USP16: variants seen among roughly 807,000 people sequenced by gnomAD.
USP16 encodes the protein ubiquitin carboxyl-terminal hydrolase 16.
A neutral mutation model predicts 95.9 loss-of-function variants in USP16; 77 were observed. That is an observed-to-expected ratio of 0.80 (90% CI 0.67 to 0.97). The LOEUF is 0.97. Ranked by LOEUF, USP16 falls within the 50% of genes least tolerant of loss-of-function variation. USP16 has a pLI of 0.00. For missense variants in USP16, 943 were observed against 959.9 expected (o/e 0.98, Z 0.23); for synonymous variants, 303 against 318.2 (o/e 0.95, Z 0.51).
intron 1 of USP16, 40 bp from the exon 2 acceptor site, chr21:29,027,833 C>CT (rs747776533): frequency 3.2e-3 from 3,948 of 1,221,720 alleles, no homozygotes; most frequent in Non-Finnish European, 3.9e-3. Flanking sequence ...ATAAGACATA[C>CT]TTTTTTTTTT....
In USP16 at chr21:29,047,069, C is replaced by A. The variant is rs761734388; in HGVS notation, c.1759C>A (p.Pro587Thr). The change falls in exon 14 of 18, where the codon CCT becomes ACT. Residue 587 changes from proline (P) to threonine (T), a missense_variant. Coordinates refer to ENST00000399976, the MANE Select transcript of USP16 (RefSeq NM_006447.3). ...KNLNLNAALH[P>T]DEINIEILND... ...CCTAAATTTGAATGCTGCTCTTCAT[C>A]CTGATGAAATAAATATAGAGATTCT... The A allele has an allele frequency of 1.2e-6, 2 of 1,613,984 alleles. No individual in the cohort carries two copies. Among genetic ancestry groups the A allele is most frequent in the African/African-American group, 1.3e-5 (1 of 75,024 alleles).
At position 29,039,336 on chromosome 21, in the gene USP16, C is replaced by G. The variant is rs911452938; in HGVS notation, c.864-145C>G. Reference sequence around the variant, plus strand: ...AATATATTTTATGTGATAGTTAAATCTCCCAAGGGTGTTAATGGACTAAAC... The same window carrying G: ...AATATATTTTATGTGATAGTTAAATGTCCCAAGGGTGTTAATGGACTAAAC... On this transcript the variant is annotated intron_variant, in intron 8 of 17. Transcript: ENST00000399976. 6.5e-5 allele frequency: 71 copies of G among 1,095,314 alleles called. No individual in the cohort carries two copies. In the African/African-American group the frequency reaches 1.0e-3, roughly 16 times the overall value. 67.8% of individuals were successfully genotyped at this position (1,095,314 alleles called of 1,614,324 possible).
chr21:29,033,609 T>G (rs920149534), intron 3 of USP16, among the ~76,000 whole-genome samples: 5 of 152,238 alleles, frequency 3.3e-5, no homozygotes, highest in Non-Finnish European at 5.9e-5. Context: ...TAGGTAAAAG[T>G]CTCCCATTTA....
Position 29,034,889 on chromosome 21 carries a change from C to T in USP16, c.293C>T (p.Pro98Leu). Residue 98 changes from proline (P) to leucine (L), a missense_variant, in exon 4 of 18, where the codon CCA becomes CTA. Coordinates refer to ENST00000399976, the MANE Select transcript of USP16 (RefSeq NM_006447.3). ...CATGCCTTGAAGCACTATCTGACGC[C>T]AAGATCTGAACCTCACTGTCTGGTT... is the stretch of plus-strand genomic sequence containing the variant. ...EQHALKHYLT[P>L]RSEPHCLVLS... The T allele has an allele frequency of 1.9e-6, 3 of 1,614,080 alleles. No individual in the cohort carries two copies. Among genetic ancestry groups the T allele is most frequent in the South Asian group, 1.1e-5 (1 of 91,078 alleles).
intron 13 of USP16, among the ~76,000 whole-genome samples, chr21:29,046,419 A>C (rs891106381): frequency 1.3e-5 from 2 of 151,924 alleles, no homozygotes; most frequent in African/African-American, 4.8e-5. Context: ...CAGTGCTAGG[A>C]TTACAGGTGT....
Position 29,054,271 on chromosome 21 carries a change from C to A in USP16, c.*84C>A. 6.8e-7 allele frequency: 1 copy of A among 1,466,848 alleles called. No homozygotes were observed. Among genetic ancestry groups the A allele is most frequent in the South Asian group, 1.3e-5 (1 of 79,682 alleles). 90.9% of individuals were successfully genotyped at this position (1,466,848 alleles called of 1,614,324 possible). ...ACGATAAAAAAAGACTAATTAAAAT[C>A]ATGTTCACTTAACATTAAATACATG... On this transcript the variant is annotated 3_prime_UTR_variant, in exon 18 of 18. Transcript: ENST00000399976.
At position 29,030,743 on chromosome 21, in the gene USP16, A is replaced by C. The variant is rs2085065760; in HGVS notation, c.210A>C (p.Ser70=). The part of the protein sequence containing the change: ...KAEEETEEKP[S]VWLCLKCGHQ... Reference sequence around the variant, plus strand: ...AAGAAGAAACAGAAGAAAAGCCTTCAGTTTGGCTGTGTCTTAAATGTGGCC... The same window carrying C: ...AAGAAGAAACAGAAGAAAAGCCTTCCGTTTGGCTGTGTCTTAAATGTGGCC... The change falls in exon 3 of 18, where the codon TCA becomes TCC. Residue 70 remains serine, a synonymous_variant. Transcript: ENST00000399976. The C allele has an allele frequency of 6.2e-7, 1 of 1,611,818 alleles. No individual in the cohort carries two copies. Among genetic ancestry groups the C allele is most frequent in the Non-Finnish European group, 8.5e-7 (1 of 1,179,354 alleles).
At chr21:29,051,216 G>C (rs986693020) in intron 16 of USP16, among the ~76,000 whole-genome samples, 1 of 152,140 alleles carries the variant, frequency 6.6e-6, no homozygotes, top group Admixed American at 6.5e-5. Context: ...AGAAAAGCAG[G>C]TAGAGAAAGG....
intron 5 of USP16, among the ~76,000 whole-genome samples, 181 bp from the exon 6 acceptor site, chr21:29,037,095 G>C (rs1043752133): frequency 6.6e-6 from 1 of 152,020 alleles, no homozygotes; most frequent in Non-Finnish European, 1.5e-5. Context: ...TTTGTTTACT[G>C]GGTTTTGTGT....
intron 13 of USP16, 111 bp downstream of exon 13, chr21:29,043,710 T>C: frequency 1.0e-6 from 1 of 1,000,432 alleles, no homozygotes; most frequent in Non-Finnish European, 1.3e-6. Context: ...ATACAGCACT[T>C]TCATTTGACA....
intron 1 of USP16, among the ~76,000 whole-genome samples, chr21:29,026,962 A>G (rs748962067): frequency 1.8e-4 from 27 of 152,174 alleles, no homozygotes; most frequent in Non-Finnish European, 3.5e-4. Flanking sequence ...GGTCCAGGAA[A>G]CTGTTAAATG....
intron 16 of USP16, chr21:29,052,755 A>G (rs565026317): frequency 1.3e-5 from 2 of 152,362 alleles, no homozygotes; most frequent in African/African-American, 2.4e-5. Flanking sequence ...AAGACTAAAA[A>G]TAAGATTTAT....
chr21:29,039,388 T>C, intron 8 of USP16, 93 bp from the exon 9 acceptor site: 1 of 1,379,054 alleles, frequency 7.3e-7, no homozygotes. Context: ...CAGAACTCTC[T>C]GAGATTTGGG....
At chr21:29,042,334 T>C in intron 11 of USP16, 138 bp from the exon 12 acceptor site, 2 of 949,446 alleles carry the variant, frequency 2.1e-6, no homozygotes, top group Non-Finnish European at 3.1e-6. Context: ...GTTGTGTAAT[T>C]TTTCATTTCA....
chr21:29,024,937 G>C (rs532099046), intron 1 of USP16, 160 bp downstream of exon 1: 1 of 728,542 alleles, frequency 1.4e-6, no homozygotes, highest in South Asian at 1.9e-5. Context: ...TTGGCTGCAT[G>C]TTCTGTCAGT....
At chr21:29,052,732 A>C (rs1463081567) in intron 16 of USP16, 1 of 152,202 alleles carries the variant, frequency 6.6e-6, no homozygotes, top group African/African-American at 2.4e-5. Context: ...AATAAATAGA[A>C]GACTTGTGGA....
chr21:29,047,680 G>A (rs574941360), intron 14 of USP16, among the ~76,000 whole-genome samples: 26 of 151,996 alleles, frequency 1.7e-4, no homozygotes, highest in Admixed American at 7.9e-4. Flanking sequence ...AATATGACAT[G>A]CCCAGTGCAA....
At chr21:29,044,790 T>C (rs1482963255) in intron 13 of USP16, among the ~76,000 whole-genome samples, 3 of 152,212 alleles carry the variant, frequency 2.0e-5, no homozygotes, top group East Asian at 3.9e-4. Flanking sequence ...AACAGTTGCA[T>C]GATTCTGTGT....
At chr21:29,053,646 TGAG>T (rs2085449963) in intron 16 of USP16, 153 bp from the exon 17 acceptor site, 8 of 676,004 alleles carry the variant, frequency 1.2e-5, no homozygotes, top group Non-Finnish European at 1.9e-5. Context: ...TGTCTCAGGC[TGAG>T]AAGAGGTATG....
Sources: allele counts gnomAD v4.1 joint callset (sites outside exome capture counted in the v4.1 genomes callset), GRCh38; gene constraint gnomAD v4.1.1; transcripts MANE v1.5; gene names NCBI Gene and HGNC (gene_info 2026-07-23, HGNC 2026-07-21).